The following MBD5 variants were observed in gnomAD, a reference collection of about 807,000 sequenced individuals.
MBD5 encodes methyl-CpG binding domain protein 5.
Under a neutral mutation model 117.3 loss-of-function variants are expected in MBD5, and 13 were observed. That is an observed-to-expected ratio of 0.11 (90% CI 0.07 to 0.18). The LOEUF (loss-of-function observed/expected upper bound fraction) is 0.18, where lower values mean the gene tolerates loss of function less well. MBD5 is among the 10% of genes least tolerant of loss of function. The probability of loss-of-function intolerance (pLI) is 1.00; values close to 1 mark genes in which losing one functional copy is unlikely to be tolerated. For missense variants in MBD5, 1,879 were observed against 2,093.8 expected, an observed-to-expected ratio of 0.90 and a Z score of 2.00; for synonymous variants, 727 against 766.4, an observed-to-expected ratio of 0.95 and a Z score of 0.85.
intron 1 of MBD5, among the ~76,000 whole-genome samples, chr2:148,140,233 CA>C (rs1371274902): frequency 4.6e-5 from 7 of 152,058 alleles, no homozygotes; most frequent in Admixed American, 3.3e-4. Context: ...TTGTTTTTTT[CA>C]TGTATATTGA....
At chr2:148,509,936 C>A in intron 12 of MBD5, 124 bp from the exon 13 acceptor site, 1 of 729,706 alleles carries the variant, frequency 1.4e-6, no homozygotes, top group Non-Finnish European at 2.5e-6. Flanking sequence ...TCTGAATTTT[C>A]CAAACGCGAG....
At chr2:148,266,995 A>G (rs1196722780) in intron 3 of MBD5, among the ~76,000 whole-genome samples, 1 of 152,168 alleles carries the variant, frequency 6.6e-6, no homozygotes, top group East Asian at 1.9e-4. Flanking sequence ...CTGTTGGGAT[A>G]CAGCAAAGAA....
At chr2:148,263,461 C>G (rs966240127) in intron 3 of MBD5, among the ~76,000 whole-genome samples, 1 of 151,986 alleles carries the variant, frequency 6.6e-6, no homozygotes, top group Admixed American at 6.6e-5. Context: ...TTCCCTGTTT[C>G]CTGCTGAAAT....
At position 148,327,604 on chromosome 2, in the gene MBD5, G is replaced by A. The variant is rs1034688623; in HGVS notation, c.-679-14610G>A. Among the ~76,000 whole-genome samples, 13 of 150,872 alleles carry A rather than the reference G, an allele frequency of 8.6e-5. No homozygotes were observed. In the East Asian group the frequency reaches 9.7e-4, roughly 11 times the overall value. ...CATTTCATTCATTTCATCTTCCATC[G>A]CTGATACCCTTTCTTCCAGTTGATC... On this transcript the variant is annotated intron_variant, in intron 3 of 13. Coordinates refer to ENST00000642680, the MANE Select transcript of MBD5 (RefSeq NM_001378120.1).
chr2:148,251,617 C>A (rs1356502340), intron 3 of MBD5, among the ~76,000 whole-genome samples: 2 of 151,998 alleles, frequency 1.3e-5, no homozygotes, highest in Non-Finnish European at 2.9e-5. Context: ...TTGAAAATAC[C>A]TCTTGGTCAT....
intron 4 of MBD5, among the ~76,000 whole-genome samples, chr2:148,342,746 C>G (rs1031012354): frequency 6.6e-6 from 1 of 151,798 alleles, no homozygotes; most frequent in African/African-American, 2.4e-5. Context: ...TTTATTTCAG[C>G]CTTTTTAAAA....
At chr2:148,029,729 A>G (rs1031341621) in intron 1 of MBD5, among the ~76,000 whole-genome samples, 1 of 152,160 alleles carries the variant, frequency 6.6e-6, no homozygotes, top group Non-Finnish European at 1.5e-5. Context: ...CAAATTTGCT[A>G]TGTTACATTG....
chr2:148,215,688 A>ATTT (rs66589231), intron 2 of MBD5, among the ~76,000 whole-genome samples: 3 of 132,006 alleles, frequency 2.3e-5, no homozygotes, highest in Admixed American at 1.5e-4. Context: ...TGCCCGGCTA[A>ATTT]TTTTTTTTTT....
At chr2:148,494,622 A>G (rs1319069370) in intron 11 of MBD5, among the ~76,000 whole-genome samples, 1 of 152,220 alleles carries the variant, frequency 6.6e-6, no homozygotes, top group Non-Finnish European at 1.5e-5. Flanking sequence ...AGGAAGTGCT[A>G]TCTCCTTCCT....
intron 1 of MBD5, chr2:148,056,265 T>A (rs1292022820): frequency 6.6e-6 from 1 of 152,178 alleles, no homozygotes; most frequent in Admixed American, 6.5e-5. Flanking sequence ...TGGGTATTTT[T>A]AAAAGAGATG....
At chr2:148,166,103 G>T (rs1698120175) in intron 1 of MBD5, among the ~76,000 whole-genome samples, 1 of 151,960 alleles carries the variant, frequency 6.6e-6, no homozygotes, top group African/African-American at 2.4e-5. Context: ...CTAAATGTAA[G>T]AAAAAAATCT....
intron 3 of MBD5, among the ~76,000 whole-genome samples, chr2:148,270,444 A>G (rs143255115): frequency 1.3e-5 from 2 of 148,384 alleles, no homozygotes; most frequent in East Asian, 4.0e-4. Context: ...ACTGGAGTGC[A>G]GTGTCAACAT....
intron 12 of MBD5, among the ~76,000 whole-genome samples, chr2:148,504,198 T>C (rs1469331185): frequency 6.6e-6 from 1 of 152,204 alleles, no homozygotes; most frequent in Non-Finnish European, 1.5e-5. Context: ...AACCATAAAC[T>C]TAAAGTACAG....
Position 148,485,762 on chromosome 2 carries a change from A to G in MBD5, c.3565A>G (p.Asn1189Asp). ...TGTAGGTGATATGTCATCAATAAAC[A>G]ATACTTTGAGTAACCATCAACTGAC... Reference protein sequence around the residue: ...GLLGDMSSINNTLSNHQLTHL... With the variant: ...GLLGDMSSINDTLSNHQLTHL... The change falls in exon 10 of 14, where the codon AAT becomes GAT. Residue 1189 changes from asparagine (N) to aspartate (D), a missense_variant. Coordinates refer to ENST00000642680, the MANE Select transcript of MBD5 (RefSeq NM_001378120.1). 1 of 1,613,200 alleles carries G rather than the reference A, an allele frequency of 6.2e-7. No individual in the cohort carries two copies. Among genetic ancestry groups the G allele is most frequent in the African/African-American group, 1.3e-5 (1 of 75,030 alleles).
intron 3 of MBD5, among the ~76,000 whole-genome samples, chr2:148,245,440 A>G (rs1485627345): frequency 6.6e-6 from 1 of 151,932 alleles, no homozygotes; most frequent in African/African-American, 2.4e-5. Flanking sequence ...TTTTTTAATT[A>G]GCTGAGTGTG....
At chr2:148,124,633 G>A (rs1696847037) in intron 1 of MBD5, among the ~76,000 whole-genome samples, 1 of 152,128 alleles carries the variant, frequency 6.6e-6, no homozygotes, top group Non-Finnish European at 1.5e-5. Flanking sequence ...AAAGATAAGT[G>A]TCTCTCTCCT....
intron 1 of MBD5, among the ~76,000 whole-genome samples, chr2:148,114,722 A>G (rs770205402): frequency 1.3e-5 from 2 of 152,180 alleles, no homozygotes; most frequent in East Asian, 3.8e-4. Context: ...ATTAGGAATT[A>G]CCAGTATAAA....
intron 1 of MBD5, among the ~76,000 whole-genome samples, chr2:148,119,115 G>A (rs1015151667): frequency 6.6e-6 from 1 of 151,994 alleles, no homozygotes; most frequent in African/African-American, 2.4e-5. Flanking sequence ...AAAAGCAGCT[G>A]TACCATTTTA....
intron 4 of MBD5, among the ~76,000 whole-genome samples, chr2:148,392,426 C>A (rs1704593842): frequency 6.6e-6 from 1 of 152,114 alleles, no homozygotes; most frequent in African/African-American, 2.4e-5. Context: ...CAAAATGCTA[C>A]CCTAGTCTTC....
Sources: gnomAD v4.1 joint callset for allele counts (sites outside exome capture counted in the v4.1 genomes callset) on GRCh38, gnomAD v4.1.1 for gene constraint, MANE v1.5 for transcripts, NCBI Gene and HGNC (gene_info 2026-07-23, HGNC 2026-07-21) for gene names.